The following LOC128125817 variants were observed in gnomAD, a reference collection of about 807,000 sequenced individuals.
At chr1:41,590,735 G>C in the LOC128125817 span, among the ~76,000 whole-genome samples, 2 of 152,226 alleles carry the variant, frequency 1.3e-5, no homozygotes, top group South Asian at 4.1e-4. Flanking sequence ...GTCTAGGTAA[G>C]TGGGGACACA....
At chr1:41,619,966 A>G in the LOC128125817 span, among the ~76,000 whole-genome samples, 1 of 152,164 alleles carries the variant, frequency 6.6e-6, no homozygotes, top group Non-Finnish European at 1.5e-5. Context: ...CTCCATCTCC[A>G]TGTTTCAAGC....
the LOC128125817 span, among the ~76,000 whole-genome samples, chr1:41,605,753 TG>T: frequency 6.6e-6 from 1 of 151,684 alleles, no homozygotes; most frequent in Non-Finnish European, 1.5e-5. Context: ...AGAAAGATGC[TG>T]GGGAAACCCT....
the LOC128125817 span, among the ~76,000 whole-genome samples, chr1:41,609,950 C>T: frequency 3.9e-4 from 59 of 152,286 alleles, no homozygotes; most frequent in African/African-American, 1.3e-3. Context: ...TAAAGCAGAC[C>T]GCTTTCCACA....
At chr1:41,617,209 C>A in the LOC128125817 span, among the ~76,000 whole-genome samples, 6 of 148,290 alleles carry the variant, frequency 4.0e-5, no homozygotes, top group African/African-American at 1.5e-4. Context: ...TAGAATTTTG[C>A]CATAAACATC....
the LOC128125817 span, among the ~76,000 whole-genome samples, chr1:41,623,586 C>A: frequency 2.6e-5 from 4 of 152,196 alleles, no homozygotes; most frequent in Non-Finnish European, 5.9e-5. Context: ...CCAGGCCTGG[C>A]TCTCTTCCTT....
the LOC128125817 span, among the ~76,000 whole-genome samples, chr1:41,602,648 T>C: frequency 6.6e-6 from 1 of 152,076 alleles, no homozygotes; most frequent in Non-Finnish European, 1.5e-5. Flanking sequence ...TAGCTAATGA[T>C]TTGTCAATTT....
chr1:41,587,079 G>A, the LOC128125817 span, among the ~76,000 whole-genome samples: 92 of 152,086 alleles, frequency 6.0e-4, no homozygotes, highest in Non-Finnish European at 1.1e-3. Context: ...GTCCATTATG[G>A]AGTCTTATAG....
the LOC128125817 span, among the ~76,000 whole-genome samples, chr1:41,611,124 C>T: frequency 6.6e-6 from 1 of 152,198 alleles, no homozygotes; most frequent in Non-Finnish European, 1.5e-5. Flanking sequence ...ATGTTACACT[C>T]CTGTTCTAAA....
chr1:41,604,802 T>C, the LOC128125817 span, among the ~76,000 whole-genome samples: 1 of 152,098 alleles, frequency 6.6e-6, no homozygotes, highest in Non-Finnish European at 1.5e-5. Flanking sequence ...ACCAATCTTA[T>C]GGTATTAGAA....
the LOC128125817 span, among the ~76,000 whole-genome samples, chr1:41,618,148 A>G: frequency 6.6e-6 from 1 of 152,204 alleles, no homozygotes; most frequent in Non-Finnish European, 1.5e-5. Flanking sequence ...CACAATGCTC[A>G]ATGAGGGCCA....
chr1:41,624,014 C>T, the LOC128125817 span, among the ~76,000 whole-genome samples: 1 of 140,782 alleles, frequency 7.1e-6, no homozygotes, highest in South Asian at 2.5e-4. Flanking sequence ...TTAAAGCAGC[C>T]CCAGGAGCTG....
the LOC128125817 span, among the ~76,000 whole-genome samples, chr1:41,616,620 CTTTT>C: frequency 1.8e-5 from 2 of 112,466 alleles, no homozygotes; most frequent in African/African-American, 3.5e-5. Flanking sequence ...GATGGGGAGC[CTTTT>C]TTTTTTTTTT....
At chr1:41,595,541 A>G in the LOC128125817 span, among the ~76,000 whole-genome samples, 2 of 152,144 alleles carry the variant, frequency 1.3e-5, no homozygotes. Flanking sequence ...AACTATGGGA[A>G]GATGTTGATG....
the LOC128125817 span, among the ~76,000 whole-genome samples, chr1:41,609,825 T>C: frequency 6.6e-6 from 1 of 152,276 alleles, no homozygotes; most frequent in Non-Finnish European, 1.5e-5. Flanking sequence ...TGATGGTTAA[T>C]TTTGTGTCAA....
At chr1:41,590,573 A>T in the LOC128125817 span, among the ~76,000 whole-genome samples, 13 of 152,240 alleles carry the variant, frequency 8.5e-5, no homozygotes, top group Non-Finnish European at 1.6e-4. Context: ...AGACAGTGTG[A>T]AGCAAAGCCA....
At chr1:41,603,669 T>G in the LOC128125817 span, among the ~76,000 whole-genome samples, 1 of 152,220 alleles carries the variant, frequency 6.6e-6, no homozygotes, top group African/African-American at 2.4e-5. Flanking sequence ...CTGCTATTGA[T>G]TTCTAGTTTC....
the LOC128125817 span, among the ~76,000 whole-genome samples, chr1:41,614,077 A>T: frequency 6.6e-6 from 1 of 152,226 alleles, no homozygotes; most frequent in Non-Finnish European, 1.5e-5. Flanking sequence ...CCATCAGGGC[A>T]GTGTGGCGTC....
At chr1:41,618,879 G>A in the LOC128125817 span, among the ~76,000 whole-genome samples, 1 of 152,180 alleles carries the variant, frequency 6.6e-6, no homozygotes, top group South Asian at 2.1e-4. Context: ...AGCAAATCAT[G>A]TTGGCTTGAC....
At chr1:41,592,205 G>C in the LOC128125817 span, among the ~76,000 whole-genome samples, 1 of 152,298 alleles carries the variant, frequency 6.6e-6, no homozygotes, top group Non-Finnish European at 1.5e-5. Context: ...AGGAGGCCTG[G>C]AGTCACCTTG....
Sources: gnomAD v4.1 joint callset for allele counts (sites outside exome capture counted in the v4.1 genomes callset) on GRCh38, gnomAD v4.1.1 for gene constraint, MANE v1.5 for transcripts.